Variants in OPN5 observed in about 807,000 individuals in gnomAD.
The protein encoded by OPN5 is opsin-5.
OPN5 carries 18 observed loss-of-function variants against 41.7 expected under a neutral mutation model. That is an observed-to-expected ratio of 0.43 (90% CI 0.30 to 0.64). The LOEUF (loss-of-function observed/expected upper bound fraction) is 0.64. OPN5 is among the 30% of genes least tolerant of loss of function. The probability of loss-of-function intolerance (pLI) is 0.13; values close to 1 mark genes in which losing one functional copy is unlikely to be tolerated. For synonymous variants in OPN5, 178 were observed against 164.3 expected (o/e 1.08, Z -0.64); for missense variants, 318 against 434.5 (o/e 0.73, Z 2.38).
At chr6:47,814,215 T>C (rs1404839189) in intron 6 of OPN5, among the ~76,000 whole-genome samples, 3 of 151,870 alleles carry the variant, frequency 2.0e-5, no homozygotes, top group African/African-American at 7.3e-5. Flanking sequence ...TGGAAGTGGA[T>C]GACAGATGGC....
chr6:47,820,567 G>T (rs555829238), intron 6 of OPN5, among the ~76,000 whole-genome samples: 5 of 152,186 alleles, frequency 3.3e-5, no homozygotes, highest in Middle Eastern at 3.4e-3. Flanking sequence ...TAAGGGAGTC[G>T]GGAGGTCCTA....
intron 6 of OPN5, among the ~76,000 whole-genome samples, chr6:47,818,112 C>A (rs1325554091): frequency 6.6e-6 from 1 of 152,144 alleles, no homozygotes; most frequent in Non-Finnish European, 1.5e-5. Context: ...GTATTTTCTA[C>A]TTTGAAAGTG....
chr6:47,790,378 C>A (rs2113954395), intron 2 of OPN5, among the ~76,000 whole-genome samples: 1 of 152,272 alleles, frequency 6.6e-6, no homozygotes, highest in South Asian at 2.1e-4. Context: ...CTACCTACTT[C>A]CCCTTCAGGG....
Position 47,820,945 on chromosome 6 carries a change from T to A in OPN5, c.1057-3038T>A, listed in dbSNP as rs913860948. Among the ~76,000 whole-genome samples, 5 of 152,194 alleles carry A rather than the reference T, an allele frequency of 3.3e-5. No individual in the cohort carries two copies. In the East Asian group the frequency reaches 9.6e-4, roughly 29 times the overall value. ...AAACACATATTTTATATGTTATATG[T>A]ATTATATACTGTATTCTTATAATAA... On this transcript the variant is annotated intron_variant, in intron 6 of 6. Transcript: ENST00000371211.
rs765209217 is a variant in OPN5 at position 47,791,785 on chromosome 6, G to T, written c.251-17G>T. ...TAACCAGAGGAACGTCTGTTGACAA[G>T]TCACTTGGTGCTCTAGTTGTAGGCA... On this transcript the variant is annotated splice_polypyrimidine_tract_variant and intron_variant, in intron 2 of 6. Transcript: ENST00000371211. 6.2e-7 allele frequency: 1 copy of T among 1,612,782 alleles called. No homozygotes were observed. The highest frequency in any genetic ancestry group is 8.5e-7 in the Non-Finnish European group (1 of 1,179,058).
At chr6:47,820,413 A>G (rs989486752) in intron 6 of OPN5, among the ~76,000 whole-genome samples, 7 of 152,158 alleles carry the variant, frequency 4.6e-5, no homozygotes, top group Non-Finnish European at 7.4e-5. Flanking sequence ...ACTTTGCTAT[A>G]TGGTTGACCG....
At chr6:47,824,767 G>A (rs1472258177), downstream of OPN5, 2 of 151,972 alleles carry the variant, frequency 1.3e-5, no homozygotes, top group Non-Finnish European at 2.9e-5. Context: ...TCCTCGGGAT[G>A]CTTCCTCTCA....
At chr6:47,813,488 G>T (rs887574670) in intron 6 of OPN5, among the ~76,000 whole-genome samples, 3 of 152,170 alleles carry the variant, frequency 2.0e-5, no homozygotes, top group Admixed American at 1.3e-4. Context: ...CAGAAGTGGA[G>T]CTGAGAGTGG....
At chr6:47,823,357 A>G (rs904624861) in intron 6 of OPN5, 6 of 152,282 alleles carry the variant, frequency 3.9e-5, no homozygotes, top group African/African-American at 1.4e-4. Context: ...ACAAAAGTTT[A>G]TATCAGATGG....
chr6:47,820,323 C>T (rs1024883113), intron 6 of OPN5, among the ~76,000 whole-genome samples: 1 of 152,186 alleles, frequency 6.6e-6, no homozygotes, highest in Non-Finnish European at 1.5e-5. Flanking sequence ...ATAGAGCCTG[C>T]TCAAAATCAC....
exon 7 of OPN5, chr6:47,824,696 A>C (rs1337927636): frequency 6.6e-6 from 1 of 152,118 alleles, no homozygotes; most frequent in Non-Finnish European, 1.5e-5. Flanking sequence ...GTAGGCAGAA[A>C]CTGTCCAGTT....
intron 4 of OPN5, among the ~76,000 whole-genome samples, chr6:47,805,188 C>G (rs1393919081): frequency 6.6e-6 from 1 of 152,142 alleles, no homozygotes; most frequent in Non-Finnish European, 1.5e-5. Flanking sequence ...ACAGACATAA[C>G]CAAATAAAAA....
At chr6:47,813,421 A>G (rs1762323829) in intron 6 of OPN5, among the ~76,000 whole-genome samples, 1 of 152,160 alleles carries the variant, frequency 6.6e-6, no homozygotes, top group Non-Finnish European at 1.5e-5. Flanking sequence ...GGTGATAGAG[A>G]AGCACCCCTG....
chr6:47,794,974 C>A (rs1205648720), intron 3 of OPN5: 1 of 422,520 alleles, frequency 2.4e-6, no homozygotes, highest in Non-Finnish European at 4.2e-6. Flanking sequence ...GTCCCTTTTC[C>A]CAGCTGTTGT....
At chr6:47,821,508 A>G (rs1434516323) in intron 6 of OPN5, among the ~76,000 whole-genome samples, 2 of 152,256 alleles carry the variant, frequency 1.3e-5, no homozygotes, top group Non-Finnish European at 2.9e-5. Context: ...AAGTTGGGCA[A>G]GAGACGGAAA....
At chr6:47,813,464 C>A (rs55983864) in intron 6 of OPN5, among the ~76,000 whole-genome samples, 1 of 152,052 alleles carries the variant, frequency 6.6e-6, no homozygotes, top group African/African-American at 2.4e-5. Flanking sequence ...ATTATTAAGG[C>A]GAGTGGTGGT....
chr6:47,813,090 AACAACAACAACAACAACAACAAC>A (rs1400499048), intron 6 of OPN5, among the ~76,000 whole-genome samples: 103 of 150,956 alleles, frequency 6.8e-4, no homozygotes, highest in Non-Finnish European at 8.3e-4. Context: ...CAACAACAAC[AACAACAACAACAACAACAACAAC>A]AAGCAACAAC....
intron 6 of OPN5, among the ~76,000 whole-genome samples, chr6:47,814,855 T>A (rs998040998): frequency 3.9e-5 from 6 of 152,282 alleles, no homozygotes; most frequent in African/African-American, 9.6e-5. Flanking sequence ...CTCCTTTGGG[T>A]TCTCATAACT....
At chr6:47,806,288 A>T (rs983266316) in intron 4 of OPN5, among the ~76,000 whole-genome samples, 1 of 152,196 alleles carries the variant, frequency 6.6e-6, no homozygotes, top group Non-Finnish European at 1.5e-5. Flanking sequence ...TTGTGTAAGG[A>T]TACTTTGAAG....
Sources: allele counts gnomAD v4.1 joint callset (sites outside exome capture counted in the v4.1 genomes callset), GRCh38; gene constraint gnomAD v4.1.1; transcripts MANE v1.5; gene names NCBI Gene and HGNC (gene_info 2026-07-23, HGNC 2026-07-21).